PCDHGA4: variants seen among roughly 807,000 people sequenced by gnomAD.
The protein encoded by PCDHGA4 is protocadherin gamma subfamily A, 4, also known as protocadherin gamma-A4.
Under a neutral mutation model 54.6 loss-of-function variants are expected in PCDHGA4, and 38 were observed. The observed-to-expected ratio is 0.70, with a 90% confidence interval of 0.54 to 0.91. The LOEUF is 0.91. PCDHGA4 is among the 40% of genes least tolerant of loss of function. PCDHGA4 has a pLI of 0.00. For missense variants in PCDHGA4, 1,298 were observed against 1,220.9 expected, an observed-to-expected ratio of 1.06 and a Z score of -0.94; for synonymous variants, 511 against 512.9, an observed-to-expected ratio of 1.00 and a Z score of 0.05.
chr5:141,490,051 G>T lies in PCDHGA4; in HGVS notation c.2515-4756G>T, dbSNP rs779280988. On this transcript the variant is annotated intron_variant, in intron 1 of 3. Coordinates refer to ENST00000571252, the MANE Select transcript of PCDHGA4 (RefSeq NM_018917.4). The surrounding 1 kb of genome is among the most constrained non-coding windows in gnomAD (Gnocchi z 5.4). ...CCGCCTCAATGCCACTGATCCAGACGAGGGCACCAACGGCCAACTAGACTA... is the reference window on the plus strand; with the variant it reads ...CCGCCTCAATGCCACTGATCCAGACTAGGGCACCAACGGCCAACTAGACTA... 3 of 1,614,214 alleles carry T rather than the reference G, an allele frequency of 1.9e-6. No homozygotes were observed. The Middle Eastern group carries it at 4.9e-4, about 266-fold the overall frequency.
At chr5:141,447,950 G>T (rs1195519095) in intron 1 of PCDHGA4, among the ~76,000 whole-genome samples, 1 of 152,052 alleles carries the variant, frequency 6.6e-6, no homozygotes, top group Non-Finnish European at 1.5e-5. Flanking sequence ...GCTGGGCATG[G>T]TGGCGGACAC....
chr5:141,404,992 C>G (rs2094593837), intron 1 of PCDHGA4: 5 of 1,613,876 alleles, frequency 3.1e-6, no homozygotes, highest in Admixed American at 3.3e-5. Context: ...GTCTTCAGAT[C>G]CCTGCAGACC....
At chr5:141,398,396 T>A (rs1191920974) in intron 1 of PCDHGA4, 1 of 1,465,660 alleles carries the variant, frequency 6.8e-7, no homozygotes, top group South Asian at 1.2e-5. Flanking sequence ...AGCAGCAGGC[T>A]AGACAGGGAG....
intron 1 of PCDHGA4, chr5:141,374,936 A>G: frequency 6.2e-7 from 1 of 1,614,030 alleles, no homozygotes; most frequent in Non-Finnish European, 8.5e-7. Context: ...TGTGAAGATT[A>G]CAGAAAAGAT....
chr5:141,409,648 G>A, intron 1 of PCDHGA4: 2 of 1,613,692 alleles, frequency 1.2e-6, no homozygotes, highest in East Asian at 4.5e-5. Context: ...CGGATTTGGG[G>A]CTCAATGGCC....
At chr5:141,399,851 C>T (rs971471583) in intron 1 of PCDHGA4, 3 of 1,612,950 alleles carry the variant, frequency 1.9e-6, no homozygotes, top group Non-Finnish European at 2.5e-6. Flanking sequence ...GATATGGTGC[C>T]GCGCGCTGCA....
chr5:141,380,459 C>T (rs1776510464), intron 1 of PCDHGA4, among the ~76,000 whole-genome samples: 1 of 152,164 alleles, frequency 6.6e-6, no homozygotes, highest in Non-Finnish European at 1.5e-5. Flanking sequence ...TGCAACCAAA[C>T]AAATGGTCAG....
At chr5:141,457,475 G>T (rs1203288452) in intron 1 of PCDHGA4, among the ~76,000 whole-genome samples, 1 of 152,142 alleles carries the variant, frequency 6.6e-6, no homozygotes, top group East Asian at 1.9e-4. Flanking sequence ...AATAAGCAGG[G>T]CCAGGGTTAG....
In PCDHGA4 at chr5:141,485,179, C is replaced by G. The variant is rs1405000217; in HGVS notation, c.2515-9628C>G. The G allele has an allele frequency of 1.2e-6, 2 of 1,612,648 alleles. No homozygotes were observed. Among genetic ancestry groups the G allele is most frequent in the African/African-American group, 2.7e-5 (2 of 74,924 alleles). ...AGAATTAGCGGGCGGCAGCAATGCT[C>G]CGCAAGGTGAGAAGCTGGACAGAAA... is the stretch of plus-strand genomic sequence containing the variant. On this transcript the variant is annotated intron_variant, in intron 1 of 3. Transcript: ENST00000571252. This position sits in a 1 kb window ranked among gnomAD's most constrained non-coding sequence, Gnocchi z 5.7.
In PCDHGA4 at chr5:141,493,269, C is replaced by T. The variant is rs142898207; in HGVS notation, c.2515-1538C>T. ...ACATGCCTCTCTTATAACAGCTTCA[C>T]AGAGGTCAAGTGACTTGCTCAAGTT... is the stretch of plus-strand genomic sequence containing the variant. On this transcript the variant is annotated intron_variant, in intron 1 of 3. Coordinates refer to ENST00000571252, the MANE Select transcript of PCDHGA4 (RefSeq NM_018917.4). This position sits in a 1 kb window ranked among gnomAD's most constrained non-coding sequence, Gnocchi z 4.3. Among the ~76,000 whole-genome samples the T allele has an allele frequency of 1.3e-5, 2 of 152,322 alleles. No individual in the cohort carries two copies. The highest frequency in any genetic ancestry group is 4.8e-5 in the African/African-American group (2 of 41,570).
intron 1 of PCDHGA4, chr5:141,419,462 C>T: frequency 6.2e-7 from 1 of 1,612,582 alleles, no homozygotes. Flanking sequence ...GCTGCAGGCC[C>T]GCGACCAGGG....
At chr5:141,404,176 A>C (rs763166170) in intron 1 of PCDHGA4, 2 of 1,613,206 alleles carry the variant, frequency 1.2e-6, no homozygotes, top group African/African-American at 2.7e-5. Context: ...TGACGGCCCA[A>C]ATTCTTGACC....
At chr5:141,404,205 A>G in intron 1 of PCDHGA4, 3 of 1,613,770 alleles carry the variant, frequency 1.9e-6, no homozygotes, top group Non-Finnish European at 1.7e-6. Context: ...GCCTCAGAAT[A>G]TAATATCACG....
intron 1 of PCDHGA4, chr5:141,371,290 G>A (rs1233908065): frequency 6.2e-7 from 1 of 1,613,998 alleles, no homozygotes; most frequent in Non-Finnish European, 8.5e-7. Flanking sequence ...AGTAAAACGG[G>A]GGAACTCACC....
chr5:141,469,581 A>G (rs543624370), intron 1 of PCDHGA4, among the ~76,000 whole-genome samples: 1 of 152,340 alleles, frequency 6.6e-6, no homozygotes, highest in Admixed American at 6.5e-5. Flanking sequence ...CTCTAAATAA[A>G]TAAATAAATA....
chr5:141,391,896 G>A (rs2092439615), intron 1 of PCDHGA4: 1 of 152,128 alleles, frequency 6.6e-6, no homozygotes, highest in Non-Finnish European at 1.5e-5. Flanking sequence ...ATGGGATGGA[G>A]CTTTGCTTTT....
chr5:141,402,430 C>T (rs1026560659), intron 1 of PCDHGA4, among the ~76,000 whole-genome samples: 2 of 151,802 alleles, frequency 1.3e-5, no homozygotes, highest in African/African-American at 4.8e-5. Flanking sequence ...ATTGAAGCAT[C>T]ATAAAAAGGA....
intron 1 of PCDHGA4, chr5:141,400,270 T>G: frequency 6.2e-7 from 1 of 1,614,058 alleles, no homozygotes; most frequent in Non-Finnish European, 8.5e-7. Flanking sequence ...GCGACGCTCC[T>G]CCAGCCCTGC....
chr5:141,375,903 G>A lies in PCDHGA4; in HGVS notation c.2514+18282G>A, dbSNP rs535123838. ...GGCCAGAACGCCTGGCTGTCCTACC[G>A]CCTGCTCAAGGCCAGCGAGCCAGGA... On this transcript the variant is annotated intron_variant, in intron 1 of 3. Transcript: ENST00000571252. 54 of 1,613,696 alleles carry A rather than the reference G, an allele frequency of 3.3e-5. No individual in the cohort carries two copies. In the South Asian group the frequency reaches 5.6e-4, roughly 17 times the overall value.
Sources: allele counts gnomAD v4.1 joint callset (sites outside exome capture counted in the v4.1 genomes callset), GRCh38; gene constraint gnomAD v4.1.1; non-coding constraint Gnocchi (gnomAD v3.1); transcripts MANE v1.5; gene names NCBI Gene and HGNC (gene_info 2026-07-23, HGNC 2026-07-21).